FAM117A: variants seen among roughly 807,000 people sequenced by gnomAD.
FAM117A encodes protein FAM117A.
Under a neutral mutation model 44.1 loss-of-function variants are expected in FAM117A, and 21 were observed. The observed-to-expected ratio is 0.48, with a 90% CI of 0.34 to 0.69. The LOEUF is 0.69. FAM117A is among the 30% of genes least tolerant of loss of function. FAM117A has a pLI of 0.01. For missense variants in FAM117A, 498 were observed against 589.9 expected (o/e 0.84, Z 1.61); for synonymous variants, 220 against 238.3 (o/e 0.92, Z 0.71).
At chr17:49,783,850 C>T (rs566117288) in intron 1 of FAM117A, among the ~76,000 whole-genome samples, 1 of 152,344 alleles carries the variant, frequency 6.6e-6, no homozygotes, top group African/African-American at 2.4e-5. Flanking sequence ...TACAAGACTG[C>T]ACACAGAGGA....
intron 1 of FAM117A, among the ~76,000 whole-genome samples, chr17:49,745,485 T>C (rs1466918378): frequency 6.6e-6 from 1 of 152,230 alleles, no homozygotes; most frequent in Non-Finnish European, 1.5e-5. Context: ...GCCTGGGGGC[T>C]ACCATACCAC....
intron 1 of FAM117A, among the ~76,000 whole-genome samples, chr17:49,744,839 C>CA (rs1292599247): frequency 6.6e-6 from 1 of 151,008 alleles, no homozygotes; most frequent in Non-Finnish European, 1.5e-5. Flanking sequence ...TATAAAGAGA[C>CA]CAGATCTCTA....
At chr17:49,788,830 C>A, upstream of FAM117A, 1 of 1,585,074 alleles carries the variant, frequency 6.3e-7, no homozygotes, top group Non-Finnish European at 8.6e-7. Flanking sequence ...CCGCAGCCGC[C>A]GGCAATGCCG....
At chr17:49,726,281 T>C (rs2073559220) in intron 2 of FAM117A, among the ~76,000 whole-genome samples, 1 of 152,156 alleles carries the variant, frequency 6.6e-6, no homozygotes, top group Non-Finnish European at 1.5e-5. Flanking sequence ...GGCGCAATCT[T>C]GGCTCACTGA....
intron 1 of FAM117A, among the ~76,000 whole-genome samples, chr17:49,781,767 A>C (rs960290279): frequency 2.6e-5 from 4 of 152,094 alleles, no homozygotes; most frequent in Admixed American, 6.5e-5. Flanking sequence ...CCTTGAGCTC[A>C]AGAGTTTGAG....
At chr17:49,743,440 A>G (rs1379994897) in intron 1 of FAM117A, among the ~76,000 whole-genome samples, 1 of 151,974 alleles carries the variant, frequency 6.6e-6, no homozygotes, top group Non-Finnish European at 1.5e-5. Flanking sequence ...CAAAAAAAAG[A>G]AAAAAAAGGC....
intron 4 of FAM117A, 30 bp downstream of exon 4, chr17:49,720,296 G>C (rs750338606): frequency 6.4e-7 from 1 of 1,570,718 alleles, no homozygotes; most frequent in South Asian, 1.1e-5. Flanking sequence ...GAGGAGAACA[G>C]AGGGGAGAGG....
intron 1 of FAM117A, among the ~76,000 whole-genome samples, chr17:49,736,467 G>A (rs544321628): frequency 2.0e-5 from 3 of 151,900 alleles, no homozygotes; most frequent in South Asian, 2.1e-4. Context: ...CCATGGTCTC[G>A]ATCTCCTGAC....
At chr17:49,787,908 T>C (rs2073826130) in intron 1 of FAM117A, among the ~76,000 whole-genome samples, 4 of 152,208 alleles carry the variant, frequency 2.6e-5, no homozygotes. Flanking sequence ...TTGAGCTAAA[T>C]GGGGTTCAAA....
intron 1 of FAM117A, among the ~76,000 whole-genome samples, chr17:49,743,081 A>G (rs2073641120): frequency 6.6e-6 from 1 of 152,106 alleles, no homozygotes; most frequent in Admixed American, 6.5e-5. Context: ...TATTACCCAA[A>G]CAGAAGATTT....
In FAM117A at chr17:49,786,701, C is replaced by T. The variant is rs368132526; in HGVS notation, c.-621+1796G>A. Among the ~76,000 whole-genome samples, 39 of 151,484 alleles carry T rather than the reference C, an allele frequency of 2.6e-4. No homozygotes were observed. In the East Asian group the frequency reaches 3.9e-3, roughly 15 times the overall value. ...TTGAGGCAGGAGAATCGCCTGAACCCGGGAGGCGGAGGCTGCGGTGAGCCG... is the reference window on the plus strand; with the variant it reads ...TTGAGGCAGGAGAATCGCCTGAACCTGGGAGGCGGAGGCTGCGGTGAGCCG... On this transcript the variant is annotated intron_variant, in intron 1 of 7. Transcript: ENST00000513602.
intron 1 of FAM117A, among the ~76,000 whole-genome samples, chr17:49,781,257 C>T (rs2073788762): frequency 1.3e-5 from 2 of 152,008 alleles, no homozygotes; most frequent in South Asian, 2.1e-4. Flanking sequence ...AGGAAACAGA[C>T]CTAGTAAATA....
chr17:49,722,408 G>A, intron 3 of FAM117A, 91 bp downstream of exon 3: 1 of 1,041,298 alleles, frequency 9.6e-7, no homozygotes, highest in Non-Finnish European at 1.4e-6. Context: ...GGTGAGCAGT[G>A]TGACGCCACC....
chr17:49,740,451 G>A (rs540213245), intron 1 of FAM117A, among the ~76,000 whole-genome samples: 192 of 152,210 alleles, frequency 1.3e-3, no homozygotes, highest in South Asian at 2.9e-3. Context: ...GGGTTTCACC[G>A]TGTTAGCCAG....
chr17:49,723,332 T>C (rs1391538047), intron 2 of FAM117A, among the ~76,000 whole-genome samples: 1 of 152,018 alleles, frequency 6.6e-6, no homozygotes. Context: ...GGGCCCTCAG[T>C]GTGCATCTTC....
At chr17:49,759,799 C>T (rs2073715872) in intron 1 of FAM117A, among the ~76,000 whole-genome samples, 1 of 152,148 alleles carries the variant, frequency 6.6e-6, no homozygotes. Flanking sequence ...CACGAAACAG[C>T]CATCCTGGGG....
chr17:49,743,646 A>G (rs1024444393), intron 1 of FAM117A, among the ~76,000 whole-genome samples: 8 of 151,902 alleles, frequency 5.3e-5, no homozygotes, highest in African/African-American at 1.9e-4. Context: ...GGAGAATGGC[A>G]TGAACCCGGG....
chr17:49,764,134 C>T (rs751187775), upstream of FAM117A: 17 of 979,086 alleles, frequency 1.7e-5, no homozygotes, highest in Admixed American at 6.4e-5. Flanking sequence ...ACTCACACAG[C>T]CCCCCAACCC....
At chr17:49,754,622 A>C (rs2073690910) in intron 1 of FAM117A, among the ~76,000 whole-genome samples, 1 of 152,082 alleles carries the variant, frequency 6.6e-6, no homozygotes, top group East Asian at 1.9e-4. Context: ...CAAACTCTTA[A>C]AGGGAAGGGA....
Sources: gnomAD v4.1 joint callset for allele counts (sites outside exome capture counted in the v4.1 genomes callset) on GRCh38, gnomAD v4.1.1 for gene constraint, MANE v1.5 for transcripts, NCBI Gene and HGNC (gene_info 2026-07-23, HGNC 2026-07-21) for gene names.